GPLD1: variants seen among roughly 807,000 people sequenced by gnomAD.
GPLD1 encodes phosphatidylinositol-glycan-specific phospholipase D.
Under a neutral mutation model 112.6 loss-of-function variants are expected in GPLD1, and 84 were observed. The ratio of observed to expected loss-of-function variants is 0.75; its 90% confidence interval spans 0.63 to 0.89. The LOEUF (loss-of-function observed/expected upper bound fraction) is 0.89, where lower values mean the gene tolerates loss of function less well. Ranked by LOEUF, GPLD1 falls within the 40% of genes least tolerant of loss-of-function variation. GPLD1 has a pLI of 0.00. For synonymous variants in GPLD1, 386 were observed against 403.8 expected (o/e 0.96, Z 0.53); for missense variants, 1,044 against 1,051.5 (o/e 0.99, Z 0.10).
upstream of GPLD1, among the ~76,000 whole-genome samples, chr6:24,491,823 A>C (rs576224475): frequency 2.0e-5 from 3 of 152,356 alleles, no homozygotes; most frequent in South Asian, 6.2e-4. Flanking sequence ...GTAATAAAAT[A>C]AGAGGAAATT....
chr6:24,444,417 T>C (rs1188198450), intron 20 of GPLD1, among the ~76,000 whole-genome samples: 1 of 152,054 alleles, frequency 6.6e-6, no homozygotes, highest in Non-Finnish European at 1.5e-5. Context: ...TTTTTCCTTC[T>C]ATATATTTCC....
chr6:24,454,444 A>G (rs566492551), intron 13 of GPLD1, among the ~76,000 whole-genome samples: 40 of 151,788 alleles, frequency 2.6e-4, no homozygotes, highest in African/African-American at 8.4e-4. Context: ...TCTGGACTAC[A>G]TAACCTGAGA....
chr6:24,487,028 A>G (rs1470256566), intron 1 of GPLD1, among the ~76,000 whole-genome samples: 1 of 152,208 alleles, frequency 6.6e-6, no homozygotes, highest in African/African-American at 2.4e-5. Context: ...AATCAATAAG[A>G]GGACTAACAT....
chr6:24,449,853 A>C lies in GPLD1; in HGVS notation c.1382T>G (p.Val461Gly), dbSNP rs769187349. ...GSALAVLDFN[V>G]DGVPDLAVGA... ...CACGGCCAGGTCAGGCACGCCGTCCACGTTAAAGTCCAACACAGCCAAGGC... is the reference window on the plus strand; with the variant it reads ...CACGGCCAGGTCAGGCACGCCGTCCCCGTTAAAGTCCAACACAGCCAAGGC... Residue 461 changes from valine (V) to glycine (G), a missense_variant, in exon 15 of 25, where the codon GTG (valine) becomes GGG (glycine). Coordinates refer to ENST00000230036, the MANE Select transcript of GPLD1 (RefSeq NM_001503.4). The C allele has an allele frequency of 6.2e-7, 1 of 1,613,978 alleles. No individual in the cohort carries two copies. Among genetic ancestry groups the C allele is most frequent in the South Asian group, 1.1e-5 (1 of 91,076 alleles).
chr6:24,488,788 G>A (rs995766697), intron 1 of GPLD1, among the ~76,000 whole-genome samples: 21 of 152,190 alleles, frequency 1.4e-4, no homozygotes, highest in African/African-American at 5.1e-4. Flanking sequence ...TCTTTGTGGT[G>A]CCATCTCCCT....
In GPLD1 at chr6:24,466,678, A is replaced by C; in HGVS notation, c.821+2T>G. ...GGTAATAGAAATGCAATATGAATTC[A>C]CCTGGTCCCATTCTCCAACATGAAG... is the stretch of plus-strand genomic sequence containing the variant. On this transcript the variant is annotated splice_donor_variant, in intron 10 of 24. Transcript: ENST00000230036. LOFTEE classifies it high-confidence loss of function. The C allele has an allele frequency of 6.2e-7, 1 of 1,611,468 alleles. No homozygotes were observed. Among genetic ancestry groups the C allele is most frequent in the Non-Finnish European group, 8.5e-7 (1 of 1,177,784 alleles).
chr6:24,492,703 G>C (rs1370344472), upstream of GPLD1, among the ~76,000 whole-genome samples: 1 of 151,942 alleles, frequency 6.6e-6, no homozygotes, highest in African/African-American at 2.4e-5. Context: ...CCAGGCGCTA[G>C]GGGGCATCAG....
At chr6:24,495,010 T>G in exon 1 of GPLD1, 2 of 1,325,020 alleles carry the variant, frequency 1.5e-6, no homozygotes, top group Non-Finnish European at 1.9e-6. Context: ...GCGACCTGCA[T>G]TTGGCTGCGG....
chr6:24,437,936 A>G (rs75463285), intron 20 of GPLD1, among the ~76,000 whole-genome samples: 184 of 152,236 alleles, frequency 1.2e-3, no homozygotes, highest in African/African-American at 4.2e-3. Context: ...GTGCTCCCAT[A>G]CATAATAACA....
chr6:24,447,529 A>G (rs1380535775), intron 17 of GPLD1, among the ~76,000 whole-genome samples: 1 of 151,608 alleles, frequency 6.6e-6, no homozygotes, highest in African/African-American at 2.4e-5. Context: ...AAAAAGAAAA[A>G]ACAACAATAA....
chr6:24,474,174 T>TACACACACAC (rs56324939), intron 5 of GPLD1, among the ~76,000 whole-genome samples: 2,589 of 145,546 alleles, frequency 0.018, 61 homozygotes, highest in African/African-American at 0.059. Flanking sequence ...CACACCCACA[T>TACACACACAC]ACACACACAC....
At chr6:24,458,207 A>T (rs1276388347) in intron 12 of GPLD1, among the ~76,000 whole-genome samples, 4 of 152,042 alleles carry the variant, frequency 2.6e-5, no homozygotes, top group African/African-American at 9.7e-5. Context: ...GGCTCAGAGC[A>T]TGAAGGCAGC....
intron 7 of GPLD1, among the ~76,000 whole-genome samples, chr6:24,469,201 AT>A (rs1219574007): frequency 6.6e-6 from 1 of 151,318 alleles, no homozygotes; most frequent in African/African-American, 2.4e-5. Context: ...TAGTTCAACC[AT>A]TGTGGAAGTC....
chr6:24,459,246 G>A (rs891913055), intron 12 of GPLD1, among the ~76,000 whole-genome samples: 9 of 124,852 alleles, frequency 7.2e-5, no homozygotes, highest in Non-Finnish European at 9.6e-5. Context: ...TTTTCTCCCT[G>A]CTATTTTTTT....
chr6:24,469,202 T>C (rs1294617130), intron 7 of GPLD1, among the ~76,000 whole-genome samples: 5 of 151,064 alleles, frequency 3.3e-5, no homozygotes, highest in Admixed American at 3.3e-4. Flanking sequence ...AGTTCAACCA[T>C]TGTGGAAGTC....
intron 14 of GPLD1, among the ~76,000 whole-genome samples, chr6:24,452,018 T>C (rs534944646): frequency 9.9e-5 from 15 of 152,172 alleles, no homozygotes; most frequent in African/African-American, 3.4e-4. Context: ...AAACCTTCAT[T>C]GTATCAATGA....
intron 24 of GPLD1, among the ~76,000 whole-genome samples, chr6:24,431,445 CA>C (rs1471295263): frequency 6.6e-6 from 1 of 152,100 alleles, no homozygotes; most frequent in African/African-American, 2.4e-5. Flanking sequence ...TTTTCAAGAA[CA>C]GGGACTCTGC....
intron 24 of GPLD1, among the ~76,000 whole-genome samples, chr6:24,430,736 G>C (rs535170492): frequency 1.3e-5 from 2 of 152,244 alleles, no homozygotes; most frequent in Admixed American, 1.3e-4. Flanking sequence ...AGGCCACTCT[G>C]ATCATCCTCT....
In GPLD1 at chr6:24,428,109, ATCCC is replaced by A. The variant is rs1383419812; in HGVS notation, c.*919_*922del. 6.6e-6 allele frequency: 1 copy of A among 151,362 alleles called. No homozygotes were observed. Among genetic ancestry groups the A allele is most frequent in the Non-Finnish European group, 1.5e-5 (1 of 67,928 alleles). 9.4% of individuals were successfully genotyped at this position (151,362 alleles called of 1,614,324 possible). ...CACAAGTGATTTGGAATGTGAGGTTATCCCTCACCCCCATGCTTTACTCTGTACT... is the reference window on the plus strand; with the variant it reads ...CACAAGTGATTTGGAATGTGAGGTTATCACCCCCATGCTTTACTCTGTACT... On this transcript the variant is annotated 3_prime_UTR_variant, in exon 25 of 25. Transcript: ENST00000230036.
Sources: gnomAD v4.1 joint callset for allele counts (sites outside exome capture counted in the v4.1 genomes callset) on GRCh38, gnomAD v4.1.1 for gene constraint, MANE v1.5 for transcripts, NCBI Gene and HGNC (gene_info 2026-07-23, HGNC 2026-07-21) for gene names.